Variants in FZD4 observed in about 807,000 individuals in gnomAD.
FZD4 encodes frizzled class receptor 4.
Under a neutral mutation model 37.3 loss-of-function variants are expected in FZD4, and 16 were observed. The observed-to-expected ratio is 0.43, with a 90% CI of 0.29 to 0.65. FZD4 has a LOEUF of 0.65. Ranked by LOEUF, FZD4 falls within the 30% of genes least tolerant of loss-of-function variation. The pLI, the probability that FZD4 is intolerant of heterozygous loss-of-function variation, is 0.16. For missense variants in FZD4, 599 were observed against 674.3 expected, an observed-to-expected ratio of 0.89 and a Z score of 1.24; for synonymous variants, 246 against 254.8, an observed-to-expected ratio of 0.97 and a Z score of 0.33.
rs370178339 is a variant in FZD4 at position 86,946,852 on chromosome 11, G to A, written c.*4290C>T. 2 of 152,236 alleles carry A rather than the reference G, an allele frequency of 1.3e-5. No homozygotes were observed. The highest frequency in any genetic ancestry group is 2.9e-5 in the Non-Finnish European group (2 of 68,062). The allele number at this position is 152,236 out of a possible 1,614,324, so 9.4% of individuals were successfully genotyped here. On this transcript the variant is annotated 3_prime_UTR_variant, in exon 2 of 2. Coordinates refer to ENST00000531380, the MANE Select transcript of FZD4 (RefSeq NM_012193.4). ...TGACTCGACATGATTGACTGGAATAGCAACTCTCTCCAGTGTCCTCCATCA... is the reference window on the plus strand; with the variant it reads ...TGACTCGACATGATTGACTGGAATAACAACTCTCTCCAGTGTCCTCCATCA...
At position 86,947,820 on chromosome 11, in the gene FZD4, G is replaced by C. The variant is rs1207320972; in HGVS notation, c.*3322C>G. On this transcript the variant is annotated 3_prime_UTR_variant, in exon 2 of 2. Transcript: ENST00000531380. ...AAGGAATCTACCAGAAAGGAGGTTGGACAGAGGTGCCATTGCACCATGTTT... is the reference window on the plus strand; with the variant it reads ...AAGGAATCTACCAGAAAGGAGGTTGCACAGAGGTGCCATTGCACCATGTTT... 1 of 152,284 alleles carries C rather than the reference G, an allele frequency of 6.6e-6. No homozygotes were observed. 9.4% of individuals were successfully genotyped at this position (152,284 alleles called of 1,614,324 possible). A position where few individuals can be genotyped will look rare whatever the true frequency, so the allele number is the denominator to read the frequency against.
At chr11:86,954,639 G>A in intron 1 of FZD4, 162 bp downstream of exon 1, 1 of 985,330 alleles carries the variant, frequency 1.0e-6, no homozygotes, top group Non-Finnish European at 1.2e-6. Flanking sequence ...CAACGTTTTG[G>A]CTTCCAGTCC....
At position 86,949,746 on chromosome 11, in the gene FZD4, G is replaced by A. The variant is rs922152123; in HGVS notation, c.*1396C>T. ...TTAGAGTTTGCAGTTCATTTCATAT[G>A]GTCTACACTTTATTCCCTACTAACC... On this transcript the variant is annotated 3_prime_UTR_variant, in exon 2 of 2. Coordinates refer to ENST00000531380, the MANE Select transcript of FZD4 (RefSeq NM_012193.4). 1.3e-5 allele frequency: 2 copies of A among 152,670 alleles called. No homozygotes were observed. Among genetic ancestry groups the A allele is most frequent in the African/African-American group, 2.4e-5 (1 of 41,466 alleles). 9.5% of individuals were successfully genotyped at this position (152,670 alleles called of 1,614,324 possible).
Position 86,955,191 on chromosome 11 carries a change from G to A in FZD4, c.-106C>T, listed in dbSNP as rs1284311382. ...CCGCGCTGCTCCCAGCTCCCGGGAC[G>A]GGAGTGTGATGCGGCGACGAGGGGG... On this transcript the variant is annotated 5_prime_UTR_variant, in exon 1 of 2. Transcript: ENST00000531380. 1.1e-6 allele frequency: 1 copy of A among 921,602 alleles called. No individual in the cohort carries two copies. The highest frequency in any genetic ancestry group is 1.5e-6 in the Non-Finnish European group (1 of 662,538). 57.1% of individuals were successfully genotyped at this position (921,602 alleles called of 1,614,324 possible).
In FZD4 at chr11:86,949,380, G is replaced by A. The variant is rs1336224102; in HGVS notation, c.*1762C>T. ...ACCTTTTTGGAATTTTGAGTCCCTG[G>A]AAATGTTTTTCCACAAAGTGTGATT... On this transcript the variant is annotated 3_prime_UTR_variant, in exon 2 of 2. Coordinates refer to ENST00000531380, the MANE Select transcript of FZD4 (RefSeq NM_012193.4). 3 of 144,014 alleles carry A rather than the reference G, an allele frequency of 2.1e-5. No individual in the cohort carries two copies. Among genetic ancestry groups the A allele is most frequent in the Admixed American group, 1.4e-4 (2 of 14,362 alleles). The allele number at this position is 144,014 out of a possible 1,614,324, so 8.9% of individuals were successfully genotyped here.
chr11:86,954,167 T>G (rs1333356685), intron 1 of FZD4: 2 of 870,258 alleles, frequency 2.3e-6, no homozygotes, highest in Admixed American at 1.2e-4. Flanking sequence ...TGCTTTACAT[T>G]TTTTAATGAC....
Position 86,955,228 on chromosome 11 carries a change from TC to T in FZD4, c.-144del. The stretch of plus-strand genomic sequence containing the variant: ...CGGCGACGAGGGGGCAGCGGCCGGC[TC>T]TCCAGCAGCTGCGCGCGACTGTGTG... On this transcript the variant is annotated 5_prime_UTR_variant, in exon 1 of 2. Transcript: ENST00000531380. The T allele has an allele frequency of 5.0e-6, 3 of 604,078 alleles. No individual in the cohort carries two copies. Among genetic ancestry groups the T allele is most frequent in the Non-Finnish European group, 7.9e-6 (3 of 380,062 alleles). The allele number at this position is 604,078 out of a possible 1,614,324, so 37.4% of individuals were successfully genotyped here.
chr11:86,955,289 A>C lies in FZD4; in HGVS notation c.-204T>G. The C allele has an allele frequency of 2.2e-6, 1 of 464,586 alleles. No homozygotes were observed. The highest frequency in any genetic ancestry group is 3.7e-6 in the Non-Finnish European group (1 of 268,658). The allele number at this position is 464,586 out of a possible 1,614,324, so 28.8% of individuals were successfully genotyped here. ...ACGTCCCGGGCCGAGGCCGAGGGACAGGCTGCGAGGGTCATGGCTGCAGGC... is the reference window on the plus strand; with the variant it reads ...ACGTCCCGGGCCGAGGCCGAGGGACCGGCTGCGAGGGTCATGGCTGCAGGC... On this transcript the variant is annotated 5_prime_UTR_variant, in exon 1 of 2. Transcript: ENST00000531380.
Position 86,954,894 on chromosome 11 carries a change from G to A in FZD4, c.192C>T (p.Pro64=), listed in dbSNP as rs1386962382. ...QNLGYNVTKM[P]NLVGHELQTD... is the part of the protein sequence containing the mutation. Reference sequence around the variant, plus strand: ...TCTGCAGCTCGTGCCCAACCAGGTTGGGCATCTTGGTCACGTTGTAGCCGA... The same window carrying A: ...TCTGCAGCTCGTGCCCAACCAGGTTAGGCATCTTGGTCACGTTGTAGCCGA... The change falls in exon 1 of 2, where the codon CCC becomes CCT. Residue 64 remains proline (P), a synonymous_variant. Transcript: ENST00000531380. The A allele has an allele frequency of 1.9e-6, 3 of 1,613,438 alleles. No individual in the cohort carries two copies. The highest frequency in any genetic ancestry group is 1.7e-6 in the Non-Finnish European group (2 of 1,179,866).
At position 86,949,997 on chromosome 11, in the gene FZD4, T is replaced by A. The variant is rs1949276123; in HGVS notation, c.*1145A>T. The A allele has an allele frequency of 6.6e-6, 1 of 152,256 alleles. No homozygotes were observed. Among genetic ancestry groups the A allele is most frequent in the South Asian group, 2.1e-4 (1 of 4,830 alleles). The allele number at this position is 152,256 out of a possible 1,614,324, so 9.4% of individuals were successfully genotyped here. On this transcript the variant is annotated 3_prime_UTR_variant, in exon 2 of 2. Coordinates refer to ENST00000531380, the MANE Select transcript of FZD4 (RefSeq NM_012193.4). ...GATAACATTCTTATGCTTTAAAAAA[T>A]AAAAAAATTTTTAAAGGCACTATCA...
In FZD4 at chr11:86,948,241, CAG is replaced by C. The variant is rs1194633109; in HGVS notation, c.*2899_*2900del. 1 of 152,076 alleles carries C rather than the reference CAG, an allele frequency of 6.6e-6. No homozygotes were observed. Among genetic ancestry groups the C allele is most frequent in the Non-Finnish European group, 1.5e-5 (1 of 68,026 alleles). 9.4% of individuals were successfully genotyped at this position (152,076 alleles called of 1,614,324 possible). ...GATTTATGGAATGGAGACAGTGAAA[CAG>C]ATGGGAATTCCAGAGGTCCCTGCTC... is the stretch of plus-strand genomic sequence containing the variant. On this transcript the variant is annotated 3_prime_UTR_variant, in exon 2 of 2. Transcript: ENST00000531380.
At position 86,946,515 on chromosome 11, in the gene FZD4, G is replaced by A. The variant is rs1159536011; in HGVS notation, c.*4627C>T. 6.6e-6 allele frequency: 1 copy of A among 152,270 alleles called. No homozygotes were observed. The highest frequency in any genetic ancestry group is 1.5e-5 in the Non-Finnish European group (1 of 68,078). 9.4% of individuals were successfully genotyped at this position (152,270 alleles called of 1,614,324 possible). On this transcript the variant is annotated 3_prime_UTR_variant, in exon 2 of 2. Transcript: ENST00000531380. ...GGGCAACTGAGCTTGCCAAGGGGAA[G>A]AGGCATGTCGGGGGATCTGTAAGTC...
chr11:86,949,633 C>G lies in FZD4; in HGVS notation c.*1509G>C, dbSNP rs1274485393. The G allele has an allele frequency of 6.5e-6, 1 of 152,678 alleles. No individual in the cohort carries two copies. Among genetic ancestry groups the G allele is most frequent in the Non-Finnish European group, 1.5e-5 (1 of 68,058 alleles). 9.5% of individuals were successfully genotyped at this position (152,678 alleles called of 1,614,324 possible). On this transcript the variant is annotated 3_prime_UTR_variant, in exon 2 of 2. Transcript: ENST00000531380. The stretch of plus-strand genomic sequence containing the variant: ...TAAGAGAAGTGCAATTTTCGAGAGG[C>G]TGCTGGGGGTACCCCCTTGTGAAGA...
intron 1 of FZD4, chr11:86,954,561 T>C: frequency 1.0e-6 from 1 of 984,584 alleles, no homozygotes; most frequent in Non-Finnish European, 1.2e-6. Context: ...CAGACATGGG[T>C]GGGCAAGAGA....
At chr11:86,954,655 A>T in intron 1 of FZD4, 146 bp downstream of exon 1, 1 of 1,436,238 alleles carries the variant, frequency 7.0e-7, no homozygotes. Flanking sequence ...AGTCCCTGAG[A>T]AAGTGGGGGT....
Position 86,952,051 on chromosome 11 carries a change from G to T in FZD4, c.705C>A (p.Ala235=). ...CGATCAGGAAGGTCAGTACTGTGAAGGCAGTGGAGATGAAACACAGGCTGG... is the reference window on the plus strand; with the variant it reads ...CGATCAGGAAGGTCAGTACTGTGAATGCAGTGGAGATGAAACACAGGCTGG... The part of the protein sequence containing the change: ...VWASLCFIST[A]FTVLTFLIDS... The change falls in exon 2 of 2, where the codon GCC becomes GCA. Residue 235 remains alanine, a synonymous_variant. Transcript: ENST00000531380. 6.2e-7 allele frequency: 1 copy of T among 1,614,044 alleles called. No homozygotes were observed. Among genetic ancestry groups the T allele is most frequent in the Non-Finnish European group, 8.5e-7 (1 of 1,179,918 alleles).
At chr11:86,953,041 T>C (rs1013725269) in intron 1 of FZD4, 12 of 152,684 alleles carry the variant, frequency 7.9e-5, no homozygotes, top group Non-Finnish European at 5.8e-5. Context: ...CAGATTGAGG[T>C]CTCTGGTCAC....
At position 86,952,236 on chromosome 11, in the gene FZD4, G is replaced by C. The variant is rs1203956069; in HGVS notation, c.520C>G (p.Pro174Ala). Reference sequence around the variant, plus strand: ...TGACACTCTTCCCCAGGCTGGATGGGGGTTTTGTGAGGTAAGGGCACCTCT... The same window carrying C: ...TGACACTCTTCCCCAGGCTGGATGGCGGTTTTGTGAGGTAAGGGCACCTCT... The part of the protein sequence containing the change: ...DEEVPLPHKT[P>A]IQPGEECHSV... The change falls in exon 2 of 2, where the codon CCC becomes GCC. Residue 174 changes from proline (P) to alanine (A), a missense_variant. By Grantham distance (27) the Pro-to-Ala change is conservative. Transcript: ENST00000531380. The C allele has an allele frequency of 6.2e-7, 1 of 1,614,066 alleles. No homozygotes were observed. The highest frequency in any genetic ancestry group is 2.2e-5 in the East Asian group (1 of 44,894).
At position 86,954,517 on chromosome 11, in the gene FZD4, A is replaced by G. The variant is rs375174756; in HGVS notation, c.285+284T>C. Reference sequence around the variant, plus strand: ...GGCGGCCAGAATCCTTGGCAGAGATAACCCTCAGCTCCACTGGGGTTAGGG... The same window carrying G: ...GGCGGCCAGAATCCTTGGCAGAGATGACCCTCAGCTCCACTGGGGTTAGGG... On this transcript the variant is annotated intron_variant, in intron 1 of 1. Transcript: ENST00000531380. 10 of 985,166 alleles carry G rather than the reference A, an allele frequency of 1.0e-5. 2 individuals are homozygous for G. The highest frequency in any genetic ancestry group is 1.0e-3 in the Middle Eastern group (2 of 1,936). 61.0% of individuals were successfully genotyped at this position (985,166 alleles called of 1,614,324 possible). A position where few individuals can be genotyped will look rare whatever the true frequency, so the allele number is the denominator to read the frequency against.
Sources: allele counts gnomAD v4.1 joint callset, GRCh38; gene constraint gnomAD v4.1.1; transcripts MANE v1.5; gene names NCBI Gene and HGNC (gene_info 2026-07-23, HGNC 2026-07-21).